The following RAB7A variants were observed in gnomAD, a reference collection of about 807,000 sequenced individuals.
RAB7A encodes the protein RAB7A, member RAS oncogene family.
RAB7A carries 2 observed loss-of-function variants against 24.5 expected under a neutral mutation model. That is an observed-to-expected ratio of 0.08 (90% CI 0.03 to 0.26). The LOEUF (loss-of-function observed/expected upper bound fraction) is 0.26. Among genes scored for constraint, RAB7A ranks in the 10% least tolerant of loss-of-function variants. RAB7A has a pLI of 1.00. For synonymous variants in RAB7A, 100 were observed against 95.9 expected, an observed-to-expected ratio of 1.04 and a Z score of -0.25; for missense variants, 118 against 255.7, an observed-to-expected ratio of 0.46 and a Z score of 3.67.
intron 1 of RAB7A, among the ~76,000 whole-genome samples, chr3:128,747,521 G>A (rs2070630154): frequency 6.6e-6 from 1 of 151,314 alleles, no homozygotes; most frequent in South Asian, 2.1e-4. Flanking sequence ...AGGAGGCGGA[G>A]GTTGCAGTGA....
chr3:128,760,429 C>T (rs2070768219), intron 1 of RAB7A, among the ~76,000 whole-genome samples: 1 of 152,210 alleles, frequency 6.6e-6, no homozygotes, highest in Admixed American at 6.5e-5. Flanking sequence ...AGCCCAAATA[C>T]TCCAGCAATA....
At chr3:128,777,098 A>G (rs779704200) in intron 1 of RAB7A, among the ~76,000 whole-genome samples, 1 of 152,042 alleles carries the variant, frequency 6.6e-6, no homozygotes, top group Non-Finnish European at 1.5e-5. Context: ...TGAGTTCCTT[A>G]TATGTTTAGG....
intron 3 of RAB7A, 70 bp downstream of exon 3, chr3:128,798,139 T>C (rs941611516): frequency 2.3e-5 from 36 of 1,565,570 alleles, no homozygotes; most frequent in Non-Finnish European, 3.2e-5. Flanking sequence ...TCCTCATGCA[T>C]AGACATTTTC....
intron 1 of RAB7A, among the ~76,000 whole-genome samples, chr3:128,794,826 A>G (rs1933532580): frequency 6.6e-6 from 1 of 152,058 alleles, no homozygotes; most frequent in South Asian, 2.1e-4. Context: ...TTGAGTATAC[A>G]GTGGGGAGTA....
intron 3 of RAB7A, among the ~76,000 whole-genome samples, chr3:128,798,651 C>G (rs148346625): frequency 0.013 from 2,026 of 151,832 alleles, 24 homozygotes; most frequent in East Asian, 0.018. Context: ...CTATTATTCC[C>G]TTTTTTTCCC....
At chr3:128,791,256 T>G (rs1396677744) in intron 1 of RAB7A, among the ~76,000 whole-genome samples, 1 of 152,148 alleles carries the variant, frequency 6.6e-6, no homozygotes, top group Non-Finnish European at 1.5e-5. Flanking sequence ...ATTCTCCTGC[T>G]TCAGCCTTTT....
intron 1 of RAB7A, among the ~76,000 whole-genome samples, chr3:128,770,609 C>T (rs932293464): frequency 4.6e-5 from 7 of 152,144 alleles, no homozygotes; most frequent in African/African-American, 1.7e-4. Flanking sequence ...AAAAGTACAT[C>T]ATCAGTTGTT....
chr3:128,744,876 CTTT>C (rs1242538121), intron 1 of RAB7A, among the ~76,000 whole-genome samples: 3 of 139,350 alleles, frequency 2.2e-5, no homozygotes, highest in African/African-American at 2.7e-5. Context: ...TTTTCTTTTT[CTTT>C]TTTTTTTTTT....
chr3:128,776,760 A>G (rs1341835997), intron 1 of RAB7A, among the ~76,000 whole-genome samples: 2 of 152,124 alleles, frequency 1.3e-5, no homozygotes, highest in African/African-American at 2.4e-5. Flanking sequence ...TAATACTTTC[A>G]GCAGCCTCCA....
chr3:128,813,027 A>G (rs67145862), intron 5 of RAB7A, among the ~76,000 whole-genome samples: 15,638 of 152,304 alleles, frequency 0.1, 897 homozygotes, highest in South Asian at 0.2. Context: ...GATCTGATTG[A>G]GAATGTCCAT....
intron 1 of RAB7A, among the ~76,000 whole-genome samples, chr3:128,735,562 A>G (rs749996171): frequency 7.9e-5 from 12 of 152,224 alleles, no homozygotes; most frequent in Non-Finnish European, 1.2e-4. Context: ...GTGGGCTAGG[A>G]TTGAAATACT....
intron 1 of RAB7A, chr3:128,765,057 CGCTGG>C: frequency 8.5e-7 from 1 of 1,176,502 alleles, no homozygotes; most frequent in South Asian, 1.3e-5. Context: ...GGCTGCGCGG[CGCTGG>C]AGCGGCGGCG....
At chr3:128,811,533 A>G (rs978647653) in intron 5 of RAB7A, among the ~76,000 whole-genome samples, 6 of 152,236 alleles carry the variant, frequency 3.9e-5, no homozygotes, top group South Asian at 2.1e-4. Flanking sequence ...CAAAAAGACC[A>G]TATGTTGTAC....
intron 1 of RAB7A, among the ~76,000 whole-genome samples, chr3:128,729,382 A>G (rs2070411110): frequency 6.6e-6 from 1 of 152,130 alleles, no homozygotes; most frequent in Non-Finnish European, 1.5e-5. Context: ...CATCCTGGCT[A>G]ACACAGTGAA....
intron 3 of RAB7A, among the ~76,000 whole-genome samples, chr3:128,805,290 G>T (rs1411073002): frequency 3.3e-5 from 5 of 152,188 alleles, no homozygotes; most frequent in African/African-American, 9.7e-5. Flanking sequence ...TTGTATCTGG[G>T]CAAGGGAGCA....
intron 3 of RAB7A, among the ~76,000 whole-genome samples, chr3:128,805,594 T>G (rs764390207): frequency 6.6e-6 from 1 of 152,204 alleles, no homozygotes; most frequent in Non-Finnish European, 1.5e-5. Context: ...TTTGTTTTGT[T>G]TTTTGAGGTA....
At chr3:128,797,885 G>A (rs1229973482) in intron 2 of RAB7A, 58 bp from the exon 3 acceptor site, 17 of 1,586,178 alleles carry the variant, frequency 1.1e-5, no homozygotes, top group African/African-American at 9.4e-5. Context: ...CAAGTAATTC[G>A]TGTCAGTTTC....
chr3:128,751,375 C>T (rs951633679), intron 1 of RAB7A, among the ~76,000 whole-genome samples: 3 of 152,188 alleles, frequency 2.0e-5, no homozygotes, highest in African/African-American at 7.2e-5. Flanking sequence ...GGTGGAGCTG[C>T]CCAAGACCAT....
intron 1 of RAB7A, among the ~76,000 whole-genome samples, chr3:128,780,643 G>A (rs1470420238): frequency 1.3e-5 from 2 of 152,154 alleles, no homozygotes; most frequent in East Asian, 1.9e-4. Context: ...CCTAGCTCAT[G>A]GTCAGTGACT....
Sources: gnomAD v4.1 joint callset for allele counts (sites outside exome capture counted in the v4.1 genomes callset) on GRCh38, gnomAD v4.1.1 for gene constraint, MANE v1.5 for transcripts, NCBI Gene and HGNC (gene_info 2026-07-23, HGNC 2026-07-21) for gene names.